Variants in EIF4G3 observed in about 807,000 individuals in gnomAD.
EIF4G3 encodes eIF-4-gamma 3.
EIF4G3 carries 34 observed loss-of-function variants against 186.4 expected under a neutral mutation model. The ratio of observed to expected loss-of-function variants is 0.18; its 90% confidence interval spans 0.14 to 0.24. EIF4G3 has a LOEUF of 0.24. Among genes scored for constraint, EIF4G3 ranks in the 10% least tolerant of loss-of-function variants. EIF4G3 has a pLI of 1.00. For synonymous variants in EIF4G3, 673 were observed against 679.5 expected (o/e 0.99, Z 0.15); for missense variants, 1,536 against 1,948.5 (o/e 0.79, Z 3.99).
At chr1:21,160,353 G>A (rs953410018) in intron 2 of EIF4G3, among the ~76,000 whole-genome samples, 1 of 152,086 alleles carries the variant, frequency 6.6e-6, no homozygotes, top group African/African-American at 2.4e-5. Flanking sequence ...GAGTGAAATA[G>A]AAAGTCACAA....
intron 4 of EIF4G3, among the ~76,000 whole-genome samples, chr1:21,033,272 C>T (rs147209067): frequency 6.6e-6 from 1 of 151,988 alleles, no homozygotes; most frequent in South Asian, 2.1e-4. Flanking sequence ...CTAATGAAAT[C>T]TTTTAACAAT....
intron 2 of EIF4G3, among the ~76,000 whole-genome samples, chr1:21,117,300 G>C (rs1042365534): frequency 3.9e-5 from 6 of 151,948 alleles, no homozygotes; most frequent in African/African-American, 1.5e-4. Flanking sequence ...TGTATCTCAT[G>C]AATGAGTATC....
chr1:20,811,236 G>C (rs2059174677), intron 35 of EIF4G3, among the ~76,000 whole-genome samples: 1 of 152,182 alleles, frequency 6.6e-6, no homozygotes, highest in African/African-American at 2.4e-5. Flanking sequence ...TTACAGGCAT[G>C]AGCCACTGCT....
chr1:21,144,054 A>G (rs2097391534), intron 2 of EIF4G3, among the ~76,000 whole-genome samples: 1 of 152,202 alleles, frequency 6.6e-6, no homozygotes, highest in African/African-American at 2.4e-5. Flanking sequence ...TTAAGAAAGC[A>G]AATAACTAAA....
At chr1:20,948,774 TG>T (rs946885604) in intron 13 of EIF4G3, among the ~76,000 whole-genome samples, 3 of 151,906 alleles carry the variant, frequency 2.0e-5, no homozygotes, top group Non-Finnish European at 2.9e-5. Context: ...TTTGGGAGGC[TG>T]AGGCAGGCAG....
At chr1:21,152,108 A>AT (rs1558204988) in intron 2 of EIF4G3, among the ~76,000 whole-genome samples, 1 of 152,186 alleles carries the variant, frequency 6.6e-6, no homozygotes, top group Non-Finnish European at 1.5e-5. Flanking sequence ...TCCCGGATCT[A>AT]TAACTGACAG....
Position 20,884,347 on chromosome 1 carries a change from C to T in EIF4G3, c.2424+1854G>A, listed in dbSNP as rs372467714. The stretch of plus-strand genomic sequence containing the variant: ...CTGGACTATTTAGTATCTTTCATGA[C>T]GCTTGACAACTTTTGAAGCTTCAGT... On this transcript the variant is annotated intron_variant, in intron 19 of 36. Coordinates refer to ENST00000602326, the MANE Select transcript of EIF4G3 (RefSeq NM_001391906.1). 1.1e-4 allele frequency among the ~76,000 whole-genome samples: 17 copies of T among 152,180 alleles called. No individual in the cohort carries two copies. The East Asian group carries it at 1.7e-3, about 16-fold the overall frequency.
intron 30 of EIF4G3, among the ~76,000 whole-genome samples, chr1:20,835,561 C>G (rs1557844236): frequency 6.6e-6 from 1 of 151,974 alleles, no homozygotes; most frequent in African/African-American, 2.4e-5. Context: ...CACAGAAATA[C>G]AAAGGATCAT....
Position 20,973,064 on chromosome 1 carries a change from A to T in EIF4G3, c.529T>A (p.Ser177Thr), listed in dbSNP as rs1248092373. 1.2e-6 allele frequency: 2 copies of T among 1,610,958 alleles called. No homozygotes were observed. The highest frequency in any genetic ancestry group is 1.7e-6 in the Non-Finnish European group (2 of 1,179,292). Residue 177 changes from serine (S) to threonine (T), a missense_variant, in exon 11 of 37, where the codon TCA (serine) becomes ACA (threonine). This residue lies in a region of EIF4G3 where 194 missense variants were observed against 212.8 expected (regional missense o/e 0.91). Transcript: ENST00000602326. The stretch of plus-strand genomic sequence containing the variant: ...TGCGTAGGCACTATGATAGGTGCTG[A>T]CTGATACACCGGCTGACTTGGGTAA... ...PFYPSQPVYQ[S>T]APIIVPTQQQ...
At chr1:20,910,671 G>A (rs2093054150) in intron 14 of EIF4G3, among the ~76,000 whole-genome samples, 1 of 152,136 alleles carries the variant, frequency 6.6e-6, no homozygotes, top group Admixed American at 6.6e-5. Context: ...AACTGGTCAA[G>A]TTTCACATCT....
chr1:21,010,419 C>CAAAAAAAAAAAAAAAAAAAAAAA (rs11318361), intron 4 of EIF4G3, among the ~76,000 whole-genome samples: 1 of 101,150 alleles, frequency 9.9e-6, no homozygotes, highest in African/African-American at 4.0e-5. Context: ...GACTCTGTCT[C>CAAAAAAAAAAAAAAAAAAAAAAA]AAAAAAAAAA....
Position 21,086,145 on chromosome 1 carries a change from T to C in EIF4G3, c.-196+2993A>G, listed in dbSNP as rs191318724. On this transcript the variant is annotated intron_variant, in intron 3 of 36. Coordinates refer to ENST00000602326, the MANE Select transcript of EIF4G3 (RefSeq NM_001391906.1). ...AAATAATTAATTGATCTACAATAGG[T>C]GTTACTGAGCCTTCAGACAGACCAA... is the stretch of plus-strand genomic sequence containing the variant. Among the ~76,000 whole-genome samples, 640 of 151,686 alleles carry C rather than the reference T, an allele frequency of 4.2e-3. 3 individuals carry two copies. Among genetic ancestry groups the C allele is most frequent in the African/African-American group, 0.014 (576 of 41,364 alleles).
chr1:20,975,645 T>G (rs754785744), intron 10 of EIF4G3, among the ~76,000 whole-genome samples: 35 of 149,658 alleles, frequency 2.3e-4, no homozygotes, highest in Non-Finnish European at 4.1e-4. Flanking sequence ...ATATATAATA[T>G]TTATAATAAG....
rs1451785666 is a variant in EIF4G3 at position 20,913,955 on chromosome 1, T to C, written c.1664-8984A>G. Among the ~76,000 whole-genome samples, 7 of 152,062 alleles carry C rather than the reference T, an allele frequency of 4.6e-5. No homozygotes were observed. The East Asian group carries it at 5.8e-4, about 13-fold the overall frequency. Reference sequence around the variant, plus strand: ...CTCAGCAGCTGGGACTACAGGCGCATGCCGCCACGCCTGGATAATTTTTTT... The same window carrying C: ...CTCAGCAGCTGGGACTACAGGCGCACGCCGCCACGCCTGGATAATTTTTTT... On this transcript the variant is annotated intron_variant, in intron 14 of 36. Transcript: ENST00000602326.
chr1:21,126,213 G>A (rs2097039767), intron 2 of EIF4G3, among the ~76,000 whole-genome samples: 1 of 143,598 alleles, frequency 7.0e-6, no homozygotes, highest in Non-Finnish European at 1.5e-5. Context: ...TCTCAAGAAT[G>A]TATATAAAAA....
intron 19 of EIF4G3, among the ~76,000 whole-genome samples, chr1:20,881,652 T>G (rs1331199725): frequency 6.6e-6 from 1 of 151,282 alleles, no homozygotes; most frequent in Non-Finnish European, 1.5e-5. Context: ...CTGAGCACGG[T>G]GGCACGCACC....
intron 14 of EIF4G3, among the ~76,000 whole-genome samples, chr1:20,935,161 G>A (rs923169482): frequency 6.6e-6 from 1 of 152,090 alleles, no homozygotes; most frequent in Non-Finnish European, 1.5e-5. Context: ...TACCATCTCT[G>A]AAAGATTAAT....
intron 18 of EIF4G3, among the ~76,000 whole-genome samples, chr1:20,891,544 G>A (rs987568531): frequency 6.6e-5 from 10 of 151,578 alleles, no homozygotes; most frequent in Middle Eastern, 3.4e-3. Context: ...AGGCCGAGGC[G>A]GGTGGATCAC....
intron 20 of EIF4G3, among the ~76,000 whole-genome samples, chr1:20,869,558 G>A (rs112545899): frequency 3.7e-4 from 56 of 151,846 alleles, no homozygotes; most frequent in South Asian, 8.3e-4. Flanking sequence ...GGTGGATCAC[G>A]AGGTCAGGAG....
Sources: gnomAD v4.1 joint callset for allele counts (sites outside exome capture counted in the v4.1 genomes callset) on GRCh38, gnomAD v4.1.1 for gene constraint, gnomAD v4.1.1 regional missense constraint, MANE v1.5 for transcripts, NCBI Gene and HGNC (gene_info 2026-07-23, HGNC 2026-07-21) for gene names.